The following KANK1 variants were observed in gnomAD, a reference collection of about 807,000 sequenced individuals.
KANK1 encodes KN motif and ankyrin repeat domain-containing protein 1.
Under a neutral mutation model 106.2 loss-of-function variants are expected in KANK1, and 109 were observed. The observed-to-expected ratio is 1.03, with a 90% CI of 0.88 to 1.20. KANK1 has a LOEUF of 1.20. Ranked by LOEUF, KANK1 falls within the 50% of genes most tolerant of loss-of-function variation. The pLI is 0.00. For missense variants in KANK1, 2,399 were observed against 1,710.7 expected (o/e 1.40, Z -7.10); for synonymous variants, 873 against 652.2 (o/e 1.34, Z -5.16).
chr9:654,277 A>G (rs1382920806), intron 1 of KANK1, among the ~76,000 whole-genome samples: 1 of 152,204 alleles, frequency 6.6e-6, no homozygotes, highest in Non-Finnish European at 1.5e-5. Flanking sequence ...TTTGAGAAAC[A>G]GTGGCCCAGA....
intron 1 of KANK1, among the ~76,000 whole-genome samples, chr9:609,675 C>T (rs750027587): frequency 8.5e-5 from 13 of 152,078 alleles, no homozygotes; most frequent in Non-Finnish European, 1.9e-4. Flanking sequence ...ACTCAATAGA[C>T]ATTGATCCTG....
intron 1 of KANK1, among the ~76,000 whole-genome samples, chr9:659,006 C>G (rs191887622): frequency 6.6e-6 from 1 of 151,942 alleles, no homozygotes; most frequent in African/African-American, 2.4e-5. Context: ...TCACTCAACA[C>G]CTGTTTTTTT....
intron 1 of KANK1, among the ~76,000 whole-genome samples, chr9:537,748 T>TG (rs775055323): frequency 3.9e-5 from 6 of 152,176 alleles, no homozygotes; most frequent in Non-Finnish European, 8.8e-5. Flanking sequence ...GCCATGATTT[T>TG]GGGGAGGGGT....
At chr9:718,991 ACT>A (rs1284439841) in intron 3 of KANK1, among the ~76,000 whole-genome samples, 37 of 119,824 alleles carry the variant, frequency 3.1e-4, no homozygotes, top group Non-Finnish European at 4.4e-4. Flanking sequence ...ACACAGTCAC[ACT>A]CTGTCACCCA....
intron 1 of KANK1, among the ~76,000 whole-genome samples, chr9:537,407 A>C (rs1448928382): frequency 6.6e-6 from 1 of 152,202 alleles, no homozygotes; most frequent in Non-Finnish European, 1.5e-5. Context: ...ATTTGCTAGA[A>C]GATCAAAGCA....
intron 5 of KANK1, chr9:731,794 A>G (rs1466652838): frequency 6.5e-6 from 1 of 154,394 alleles, no homozygotes; most frequent in Admixed American, 6.4e-5. Context: ...GCCCACGTAC[A>G]TAGTTAAGCC....
At chr9:732,750 GATACTAA>G in intron 6 of KANK1, 133 bp downstream of exon 6, 1 of 959,682 alleles carries the variant, frequency 1.0e-6, no homozygotes. Context: ...CACATCTTGA[GATACTAA>G]TATATACAAG....
chr9:731,309 C>G (rs767764122), intron 5 of KANK1, 43 bp downstream of exon 5: 9 of 1,149,926 alleles, frequency 7.8e-6, no homozygotes, highest in South Asian at 7.7e-5. Context: ...CTGTCAGTCT[C>G]CTTTACCTCC....
At chr9:549,981 A>G (rs1428113256) in intron 1 of KANK1, among the ~76,000 whole-genome samples, 1 of 152,078 alleles carries the variant, frequency 6.6e-6, no homozygotes, top group Admixed American at 6.5e-5. Flanking sequence ...ACAAAGGAGA[A>G]TTAACACTGG....
intron 1 of KANK1, among the ~76,000 whole-genome samples, chr9:647,786 A>G (rs1840011074): frequency 6.6e-6 from 1 of 150,626 alleles, no homozygotes; most frequent in Non-Finnish European, 1.5e-5. Flanking sequence ...GCTCACACTT[A>G]TATATAGCAG....
At chr9:704,444 G>A (rs1823483672) in intron 2 of KANK1, among the ~76,000 whole-genome samples, 1 of 152,168 alleles carries the variant, frequency 6.6e-6, no homozygotes, top group Non-Finnish European at 1.5e-5. Flanking sequence ...GAAGAACATA[G>A]GTGAAAGGAT....
chr9:711,093 C>G lies in KANK1; in HGVS notation c.327C>G (p.Ala109=), dbSNP rs1332189488. 2 of 1,614,060 alleles carry G rather than the reference C, an allele frequency of 1.2e-6. No individual in the cohort carries two copies. Among genetic ancestry groups the G allele is most frequent in the African/African-American group, 2.7e-5 (2 of 74,928 alleles). The part of the protein sequence containing the change: ...DNKQCPNFLI[A]RSQVTSTPIS... The stretch of plus-strand genomic sequence containing the variant: ...AGCAGTGCCCCAACTTCCTCATAGC[C>G]AGAAGTCAAGTTACATCAACTCCAA... The change falls in exon 3 of 12, where the codon GCC becomes GCG. Residue 109 remains alanine, a synonymous_variant. Transcript: ENST00000382297.
intron 1 of KANK1, among the ~76,000 whole-genome samples, chr9:510,027 G>T (rs1015556524): frequency 6.6e-6 from 1 of 151,280 alleles, no homozygotes; most frequent in Non-Finnish European, 1.5e-5. Flanking sequence ...GTCCAGGCGG[G>T]TCTCAAACTC....
At chr9:662,545 T>TTGACAAACC (rs112952224) in intron 1 of KANK1, among the ~76,000 whole-genome samples, 135,487 of 151,762 alleles carry the variant, frequency 0.89, 60,615 homozygotes, top group East Asian at 0.97. Context: ...CATCTGATCT[T>TTGACAAACC]TGACAAACAC....
chr9:523,820 T>C (rs2059660160), intron 1 of KANK1, among the ~76,000 whole-genome samples: 1 of 150,658 alleles, frequency 6.6e-6, no homozygotes, highest in Non-Finnish European at 1.5e-5. Flanking sequence ...GGCCTCTTCT[T>C]TTTTTTTTCC....
rs763188958 is a variant in KANK1 at position 712,057 on chromosome 9, G to A, written c.1291G>A (p.Val431Ile). 1.1e-5 allele frequency: 17 copies of A among 1,614,046 alleles called. No individual in the cohort carries two copies. Among genetic ancestry groups the A allele is most frequent in the Non-Finnish European group, 1.4e-5 (16 of 1,180,032 alleles). The change falls in exon 3 of 12, where the codon GTT becomes ATT. Residue 431 changes from valine (V) to isoleucine (I), a missense_variant. Physicochemically the swap from Val to Ile is conservative, Grantham distance 29. Coordinates refer to ENST00000382297, the MANE Select transcript of KANK1 (RefSeq NM_015158.5). ...TAAGGATGCAGCTGTAGGGACACTT[G>A]TTGAGATGAGAAATTGTGGGGTCAG... ...SCKDAAVGTL[V>I]EMRNCGVSVT...
chr9:579,465 C>T (rs971075415), intron 1 of KANK1, among the ~76,000 whole-genome samples: 12 of 152,194 alleles, frequency 7.9e-5, no homozygotes, highest in Non-Finnish European at 1.5e-4. Context: ...CTTCTCTCAG[C>T]TCCATCCTCA....
intron 1 of KANK1, among the ~76,000 whole-genome samples, chr9:527,948 G>A (rs1042671516): frequency 6.6e-6 from 1 of 151,782 alleles, no homozygotes; most frequent in Admixed American, 6.6e-5. Context: ...TGGCCAACAT[G>A]GTGAAACCCT....
intron 1 of KANK1, among the ~76,000 whole-genome samples, chr9:666,901 CTTTTTT>C (rs35149316): frequency 3.7e-5 from 2 of 53,496 alleles, no homozygotes; most frequent in African/African-American, 1.7e-4. Flanking sequence ...CTATTGTTGT[CTTTTTT>C]TTTTTTTTTT....
Sources: gnomAD v4.1 joint callset for allele counts (sites outside exome capture counted in the v4.1 genomes callset) on GRCh38, gnomAD v4.1.1 for gene constraint, MANE v1.5 for transcripts, NCBI Gene and HGNC (gene_info 2026-07-23, HGNC 2026-07-21) for gene names.